The following NPAS3 variants were observed in gnomAD, a reference collection of about 807,000 sequenced individuals.
NPAS3 encodes neuronal PAS domain protein 3, also known as neuronal PAS domain-containing protein 3.
NPAS3 carries 14 observed loss-of-function variants against 73.1 expected under a neutral mutation model. The observed-to-expected ratio is 0.19, with a 90% CI of 0.13 to 0.30. The LOEUF (loss-of-function observed/expected upper bound fraction) is 0.30, where lower values mean the gene tolerates loss of function less well. Among genes scored for constraint, NPAS3 ranks in the 10% least tolerant of loss-of-function variants. The pLI is 1.00. For synonymous variants in NPAS3, 620 were observed against 541.5 expected, an observed-to-expected ratio of 1.14 and a Z score of -2.01; for missense variants, 1,096 against 1,250.0, an observed-to-expected ratio of 0.88 and a Z score of 1.86.
chr14:33,490,376 C>CT (rs34297174), intron 4 of NPAS3, among the ~76,000 whole-genome samples: 10 of 152,068 alleles, frequency 6.6e-5, no homozygotes, highest in Admixed American at 2.6e-4. Context: ...GTTATATTTC[C>CT]TTTTTTTCTT....
intron 1 of NPAS3, among the ~76,000 whole-genome samples, chr14:33,024,061 A>C (rs2039705823): frequency 6.6e-6 from 1 of 152,206 alleles, no homozygotes; most frequent in Admixed American, 6.5e-5. Flanking sequence ...TCTTTTGGAC[A>C]GAACAAGAGC....
chr14:33,156,449 CAT>C (rs1429274365), intron 2 of NPAS3, among the ~76,000 whole-genome samples: 3 of 152,174 alleles, frequency 2.0e-5, no homozygotes, highest in Non-Finnish European at 4.4e-5. Flanking sequence ...CATATTCTCA[CAT>C]GTTATTGTTC....
intron 2 of NPAS3, among the ~76,000 whole-genome samples, chr14:33,212,312 A>G (rs79894657): frequency 2.0e-5 from 3 of 152,290 alleles, no homozygotes; most frequent in African/African-American, 2.4e-5. Flanking sequence ...CTTCTAAACT[A>G]TGGTCCCTGC....
chr14:33,728,143 C>T (rs545958891), intron 6 of NPAS3, among the ~76,000 whole-genome samples: 3 of 152,152 alleles, frequency 2.0e-5, no homozygotes, highest in African/African-American at 4.8e-5. Flanking sequence ...ACTCTCTTCT[C>T]CCTCAGGGGA....
chr14:33,688,193 TA>T (rs1387590319), intron 6 of NPAS3, among the ~76,000 whole-genome samples: 1 of 152,214 alleles, frequency 6.6e-6, no homozygotes, highest in African/African-American at 2.4e-5. Flanking sequence ...GTAAGCATAG[TA>T]CCCAATAGGT....
chr14:32,960,060 T>C (rs1320563095), intron 1 of NPAS3, among the ~76,000 whole-genome samples: 2 of 151,696 alleles, frequency 1.3e-5, no homozygotes, highest in Non-Finnish European at 2.9e-5. Flanking sequence ...TCCTTCCCAG[T>C]ATGTATTAGG....
rs1484003773 is a variant in NPAS3 at position 33,236,988 on chromosome 14, A to G, written c.385+21562A>G. On this transcript the variant is annotated intron_variant, in intron 3 of 11. Coordinates refer to ENST00000356141, the Ensembl canonical transcript of NPAS3. Reference sequence around the variant, plus strand: ...TTTGATTTTACATTACAAAAATCAAACTGAATTATCTAAAAAATGAGATTT... The same window carrying G: ...TTTGATTTTACATTACAAAAATCAAGCTGAATTATCTAAAAAATGAGATTT... 3.3e-5 allele frequency among the ~76,000 whole-genome samples: 5 copies of G among 152,076 alleles called. No individual in the cohort carries two copies. In the East Asian group the frequency reaches 9.6e-4, roughly 29 times the overall value.
intron 3 of NPAS3, among the ~76,000 whole-genome samples, chr14:33,307,592 A>AGTGTGTGTGTGT (rs1207155386): frequency 1.7e-4 from 4 of 23,246 alleles, no homozygotes; most frequent in Non-Finnish European, 3.5e-4. Context: ...GTTTTTTTTC[A>AGTGTGTGTGTGT]ATGTGTGTGT....
exon 8 of NPAS3, chr14:33,774,426 T>G (rs1034970097): frequency 2.7e-5 from 43 of 1,614,074 alleles, no homozygotes; most frequent in Non-Finnish European, 3.6e-5. Flanking sequence ...TCGTGGTTGT[T>G]GCGCATGCCT....
intron 6 of NPAS3, among the ~76,000 whole-genome samples, chr14:33,731,874 T>C: frequency 6.6e-6 from 1 of 152,202 alleles, no homozygotes; most frequent in East Asian, 1.9e-4. Context: ...ATTTAGCTTT[T>C]AGTTGTGTAG....
intron 2 of NPAS3, among the ~76,000 whole-genome samples, chr14:33,107,570 C>T (rs2042761675): frequency 6.6e-6 from 1 of 152,154 alleles, no homozygotes; most frequent in Admixed American, 6.5e-5. Context: ...ATCCATGTTG[C>T]AGCAAAAGAC....
At chr14:33,307,493 A>G (rs939040489) in intron 3 of NPAS3, among the ~76,000 whole-genome samples, 10 of 152,034 alleles carry the variant, frequency 6.6e-5, no homozygotes, top group African/African-American at 2.4e-4. Flanking sequence ...GGATGAGCAA[A>G]TGCATGCTAC....
chr14:32,946,350 A>G (rs2180268), intron 1 of NPAS3, among the ~76,000 whole-genome samples: 3,073 of 82,626 alleles, frequency 0.037, 98 homozygotes, highest in African/African-American at 0.1. Context: ...ACACACGCGC[A>G]CACACACACA....
At chr14:33,378,756 C>G (rs78449690) in intron 4 of NPAS3, among the ~76,000 whole-genome samples, 12,237 of 152,198 alleles carry the variant, frequency 0.08, 540 homozygotes, top group Middle Eastern at 0.14. Context: ...AGGAGAAAAA[C>G]CCAGTGATTT....
intron 2 of NPAS3, among the ~76,000 whole-genome samples, chr14:33,186,575 GAAC>G (rs1382967561): frequency 1.3e-5 from 2 of 152,086 alleles, no homozygotes; most frequent in Non-Finnish European, 2.9e-5. Flanking sequence ...GTTTCAATCT[GAAC>G]GCATGATTTT....
chr14:33,686,875 A>G (rs1283620533), intron 6 of NPAS3, among the ~76,000 whole-genome samples: 1 of 152,160 alleles, frequency 6.6e-6, no homozygotes, highest in Non-Finnish European at 1.5e-5. Context: ...CCTATAACAT[A>G]GGAAACTTAT....
exon 12 of NPAS3, chr14:33,801,010 C>T (rs1267568289): frequency 3.0e-5 from 48 of 1,589,906 alleles, no homozygotes; most frequent in Non-Finnish European, 3.6e-5. Context: ...CCGCCGGCAA[C>T]GTGTTCACCA....
chr14:33,261,720 T>G (rs1427195581), intron 3 of NPAS3, among the ~76,000 whole-genome samples: 1 of 152,194 alleles, frequency 6.6e-6, no homozygotes, highest in Non-Finnish European at 1.5e-5. Flanking sequence ...GTCAAAGTAA[T>G]TTTCCTCCAA....
At chr14:33,764,007 G>T (rs2062380222) in intron 7 of NPAS3, among the ~76,000 whole-genome samples, 1 of 152,062 alleles carries the variant, frequency 6.6e-6, no homozygotes. Context: ...CTTCCCTAGG[G>T]CTGGTCTACC....
Sources: allele counts gnomAD v4.1 joint callset (sites outside exome capture counted in the v4.1 genomes callset), GRCh38; gene constraint gnomAD v4.1.1; transcripts MANE v1.5; gene names NCBI Gene and HGNC (gene_info 2026-07-23, HGNC 2026-07-21).